STK32B: variants seen among roughly 807,000 people sequenced by gnomAD.
STK32B encodes serine/threonine-protein kinase 32B.
STK32B carries 43 observed loss-of-function variants against 52.6 expected under a neutral mutation model. That is an observed-to-expected ratio of 0.82 (90% CI 0.64 to 1.05). STK32B has a LOEUF of 1.05. STK32B is among the 50% of genes least tolerant of loss of function. The pLI, the probability that STK32B is intolerant of heterozygous loss-of-function variation, is 0.00. For missense variants in STK32B, 621 were observed against 534.6 expected (o/e 1.16, Z -1.59); for synonymous variants, 238 against 204.3 (o/e 1.17, Z -1.41).
At chr4:5,046,936 CT>C (rs1315832961), upstream of STK32B, among the ~76,000 whole-genome samples, 1 of 152,174 alleles carries the variant, frequency 6.6e-6, no homozygotes, top group African/African-American at 2.4e-5. Flanking sequence ...ATGGTGATTT[CT>C]CAACGATCTA....
Position 5,499,268 on chromosome 4 carries a change from C to G in STK32B, c.*185C>G. On this transcript the variant is annotated 3_prime_UTR_variant, in exon 12 of 12. Coordinates refer to ENST00000282908, the MANE Select transcript of STK32B (RefSeq NM_018401.3). ...TCCATGACTGATTCACGTGTGACCT[C>G]AGACAAGTCACGCCCTCTCTGTGCC... The G allele has an allele frequency of 1.4e-6, 1 of 728,468 alleles. No individual in the cohort carries two copies. The highest frequency in any genetic ancestry group is 2.0e-6 in the Non-Finnish European group (1 of 502,016). 45.1% of individuals were successfully genotyped at this position (728,468 alleles called of 1,614,324 possible). A position where few individuals can be genotyped will look rare whatever the true frequency, so the allele number is the denominator to read the frequency against.
At position 5,139,910 on chromosome 4, in the gene STK32B, T is replaced by A. The variant is rs747384315; in HGVS notation, c.58T>A (p.Phe20Ile). The A allele has an allele frequency of 3.1e-6, 5 of 1,614,076 alleles. No homozygotes were observed. The highest frequency in any genetic ancestry group is 1.3e-5 in the African/African-American group (1 of 74,930). ...TTTTTTGTTTTCTTTTGCAGTCAAC[T>A]TTGACCATTTTCAGATTCTGCGGGC... ...PVFDENEEVN[F>I]DHFQILRAIG... Residue 20 changes from phenylalanine to isoleucine, a missense_variant, in exon 2 of 12, where the codon TTT becomes ATT. Transcript: ENST00000282908.
chr4:5,455,777 G>A (rs1394006887), intron 7 of STK32B, among the ~76,000 whole-genome samples: 4 of 152,144 alleles, frequency 2.6e-5, no homozygotes, highest in South Asian at 2.1e-4. Flanking sequence ...AGAAATGAGC[G>A]TGGTCAAATT....
At chr4:5,071,867 T>G (rs1303570859) in intron 1 of STK32B, among the ~76,000 whole-genome samples, 1 of 152,212 alleles carries the variant, frequency 6.6e-6, no homozygotes, top group Non-Finnish European at 1.5e-5. Flanking sequence ...TTCTGTGATA[T>G]GATGGGTAGG....
chr4:5,265,883 G>A (rs1225504680), intron 3 of STK32B, among the ~76,000 whole-genome samples: 4 of 151,940 alleles, frequency 2.6e-5, no homozygotes, highest in Non-Finnish European at 5.9e-5. Flanking sequence ...TCCATAATTT[G>A]GATGTACTAA....
chr4:5,481,531 G>A (rs1177978697), intron 11 of STK32B, among the ~76,000 whole-genome samples: 1 of 152,066 alleles, frequency 6.6e-6, no homozygotes. Flanking sequence ...CCATTCTCTA[G>A]GTTGCCTGTT....
At chr4:5,488,476 G>C (rs1719416059) in intron 11 of STK32B, among the ~76,000 whole-genome samples, 2 of 151,858 alleles carry the variant, frequency 1.3e-5, no homozygotes, top group African/African-American at 4.8e-5. Flanking sequence ...AATGTATTTT[G>C]AATGTCAAAA....
intron 4 of STK32B, among the ~76,000 whole-genome samples, chr4:5,333,443 T>A (rs183080632): frequency 1.3e-5 from 2 of 152,332 alleles, no homozygotes; most frequent in East Asian, 3.9e-4. Context: ...TTCACTCTGA[T>A]GGTAGTTTCT....
Position 5,400,044 on chromosome 4 carries a change from C to T in STK32B, c.472+1800C>T, listed in dbSNP as rs543632977. On this transcript the variant is annotated intron_variant, in intron 5 of 11. Coordinates refer to ENST00000282908, the MANE Select transcript of STK32B (RefSeq NM_018401.3). The surrounding 1 kb of genome is among the most constrained non-coding windows in gnomAD (Gnocchi z 6.1). ...GGGGAGACTTCCTGGCCCTGCAAAG[C>T]GGTCCAGAAGCAAAATTCAGACAGA... 2.6e-5 allele frequency among the ~76,000 whole-genome samples: 4 copies of T among 152,278 alleles called. No homozygotes were observed. The highest frequency in any genetic ancestry group is 2.1e-4 in the South Asian group (1 of 4,828).
At chr4:5,090,660 G>T (rs1205092346) in intron 1 of STK32B, among the ~76,000 whole-genome samples, 1 of 152,116 alleles carries the variant, frequency 6.6e-6, no homozygotes, top group Non-Finnish European at 1.5e-5. Context: ...ACTACTCCTG[G>T]CCTTTAATCC....
chr4:5,346,426 G>A (rs1007139810), intron 4 of STK32B, among the ~76,000 whole-genome samples: 1 of 152,166 alleles, frequency 6.6e-6, no homozygotes, highest in Non-Finnish European at 1.5e-5. Flanking sequence ...TCCTTCTGAT[G>A]AGCAGTGGAG....
chr4:5,044,587 G>A, the STK32B span, among the ~76,000 whole-genome samples: 1,047 of 152,188 alleles, frequency 6.9e-3, 17 homozygotes, highest in African/African-American at 0.023. Context: ...CAGGAAATCC[G>A]TTTAGGTTTT....
chr4:5,231,178 C>A (rs778416916), intron 3 of STK32B, among the ~76,000 whole-genome samples: 1 of 152,180 alleles, frequency 6.6e-6, no homozygotes, highest in South Asian at 2.1e-4. Context: ...CTTGCTGTTA[C>A]TTGTTTGACA....
chr4:5,275,604 T>G (rs748088758), intron 3 of STK32B, among the ~76,000 whole-genome samples: 3 of 152,066 alleles, frequency 2.0e-5, no homozygotes, highest in African/African-American at 2.4e-5. Flanking sequence ...TTGGCTTTGA[T>G]GTTGTCTCGG....
intron 3 of STK32B, among the ~76,000 whole-genome samples, chr4:5,233,036 A>T (rs1724381964): frequency 6.6e-6 from 1 of 152,036 alleles, no homozygotes; most frequent in African/African-American, 2.4e-5. Flanking sequence ...GGTTTCCCTA[A>T]CTCTGCCCAC....
chr4:5,264,278 AC>A (rs1237558310), intron 3 of STK32B, among the ~76,000 whole-genome samples: 2 of 152,100 alleles, frequency 1.3e-5, no homozygotes, highest in Non-Finnish European at 2.9e-5. Context: ...AGTTCTGGTT[AC>A]TCCATATCCT....
the STK32B span, among the ~76,000 whole-genome samples, chr4:5,032,547 A>G: frequency 6.6e-6 from 1 of 151,950 alleles, no homozygotes; most frequent in Admixed American, 6.5e-5. Flanking sequence ...TGCATTTTCC[A>G]TCTTTCATGA....
chr4:5,052,582 T>A (rs914897284), intron 1 of STK32B, among the ~76,000 whole-genome samples: 2 of 152,160 alleles, frequency 1.3e-5, no homozygotes, highest in Non-Finnish European at 2.9e-5. Flanking sequence ...AGAACCCTCT[T>A]TCCAGTGCAG....
chr4:5,405,316 G>A (rs1737585588), intron 5 of STK32B, among the ~76,000 whole-genome samples: 1 of 151,940 alleles, frequency 6.6e-6, no homozygotes, highest in Admixed American at 6.6e-5. Flanking sequence ...TTCCTGGTAA[G>A]AGGAACCTGG....
Sources: allele counts gnomAD v4.1 joint callset (sites outside exome capture counted in the v4.1 genomes callset), GRCh38; gene constraint gnomAD v4.1.1; non-coding constraint Gnocchi (gnomAD v3.1); transcripts MANE v1.5; gene names NCBI Gene and HGNC (gene_info 2026-07-23, HGNC 2026-07-21).